Variants in UHMK1 observed in about 807,000 individuals in gnomAD.
UHMK1 encodes the protein serine/threonine-protein kinase Kist.
A neutral mutation model predicts 44.0 loss-of-function variants in UHMK1; 18 were observed. The ratio of observed to expected loss-of-function variants is 0.41; its 90% confidence interval spans 0.28 to 0.61. The LOEUF (loss-of-function observed/expected upper bound fraction) is 0.61. Among genes scored for constraint, UHMK1 ranks in the 20% least tolerant of loss-of-function variants. The pLI, the probability that UHMK1 is intolerant of heterozygous loss-of-function variation, is 0.31. For missense variants in UHMK1, 463 were observed against 522.5 expected, an observed-to-expected ratio of 0.89 and a Z score of 1.11; for synonymous variants, 231 against 198.5, an observed-to-expected ratio of 1.16 and a Z score of -1.38.
At chr1:162,506,559 C>T (rs1651475364) in intron 4 of UHMK1, among the ~76,000 whole-genome samples, 1 of 152,170 alleles carries the variant, frequency 6.6e-6, no homozygotes, top group Admixed American at 6.5e-5. Flanking sequence ...TCATCCCAAT[C>T]TCATACATTT....
chr1:162,500,311 T>G, intron 2 of UHMK1, 64 bp downstream of exon 2: 1 of 1,531,912 alleles, frequency 6.5e-7, no homozygotes, highest in South Asian at 1.3e-5. Context: ...CAAATATTTT[T>G]AAATGACAAG....
chr1:162,501,171 A>ATT (rs5778280), intron 3 of UHMK1, 67 bp downstream of exon 3: 16,798 of 1,203,324 alleles, frequency 0.014, 1 homozygote, highest in East Asian at 0.016. Flanking sequence ...ATTTATGATG[A>ATT]TTTTTTTTTT....
intron 4 of UHMK1, among the ~76,000 whole-genome samples, chr1:162,510,765 A>C (rs1171356466): frequency 1.3e-5 from 2 of 152,026 alleles, no homozygotes; most frequent in Non-Finnish European, 2.9e-5. Flanking sequence ...ATAGTGCTGC[A>C]ACAAACGTGG....
In UHMK1 at chr1:162,526,088, ATCAG is replaced by A. The variant is rs1289600900; in HGVS notation, c.*3540_*3543del. The A allele has an allele frequency of 6.6e-6, 1 of 152,184 alleles. No homozygotes were observed. Among genetic ancestry groups the A allele is most frequent in the African/African-American group, 2.4e-5 (1 of 41,460 alleles). 9.4% of individuals were successfully genotyped at this position (152,184 alleles called of 1,614,324 possible). On this transcript the variant is annotated 3_prime_UTR_variant, in exon 8 of 8. Coordinates refer to ENST00000489294, the MANE Select transcript of UHMK1 (RefSeq NM_175866.5). ...ACTGGACCTTCACTCTGGTAAGGGC[ATCAG>A]TTACTTTTCTGGAATAAAAGGCGGA...
chr1:162,500,301 CA>C, intron 2 of UHMK1, 54 bp downstream of exon 2: 1 of 1,547,326 alleles, frequency 6.5e-7, no homozygotes, highest in Non-Finnish European at 8.7e-7. Flanking sequence ...TGGTTGAAGC[CA>C]AATATTTTTA....
intron 4 of UHMK1, among the ~76,000 whole-genome samples, chr1:162,511,712 G>T (rs1433321144): frequency 6.6e-6 from 1 of 152,114 alleles, no homozygotes; most frequent in African/African-American, 2.4e-5. Context: ...TTTTCTTCTA[G>T]TAGTTTTGGG....
intron 4 of UHMK1, among the ~76,000 whole-genome samples, chr1:162,511,282 A>C (rs1300671559): frequency 7.0e-6 from 1 of 143,526 alleles, no homozygotes; most frequent in African/African-American, 2.6e-5. Context: ...CCTTGAATTC[A>C]TAGGGTCAAG....
rs1652212079 is a variant in UHMK1 at position 162,525,430 on chromosome 1, T to C, written c.*2880T>C. The C allele has an allele frequency of 6.6e-6, 1 of 152,192 alleles. No individual in the cohort carries two copies. Among genetic ancestry groups the C allele is most frequent in the African/African-American group, 2.4e-5 (1 of 41,438 alleles). 9.4% of individuals were successfully genotyped at this position (152,192 alleles called of 1,614,324 possible). A position where few individuals can be genotyped will look rare whatever the true frequency, so the allele number is the denominator to read the frequency against. On this transcript the variant is annotated 3_prime_UTR_variant, in exon 8 of 8. Transcript: ENST00000489294. Reference sequence around the variant, plus strand: ...CTTCCTTGCCTCTCACCTTCCCAGTTACTTCTTTGGGGTATTACTGTGGCA... The same window carrying C: ...CTTCCTTGCCTCTCACCTTCCCAGTCACTTCTTTGGGGTATTACTGTGGCA...
At chr1:162,518,360 C>T (rs967921672) in intron 7 of UHMK1, among the ~76,000 whole-genome samples, 170 bp downstream of exon 7, 7 of 151,404 alleles carry the variant, frequency 4.6e-5, no homozygotes, top group Admixed American at 4.0e-4. Flanking sequence ...TCTAAAAGTT[C>T]TATAATATGC....
intron 4 of UHMK1, among the ~76,000 whole-genome samples, chr1:162,506,215 A>T (rs954801545): frequency 6.2e-5 from 5 of 81,110 alleles, no homozygotes; most frequent in African/African-American, 2.3e-4. Context: ...TATTTTTTTT[A>T]AATAATAGCC....
At chr1:162,521,508 C>T (rs1652059086) in intron 7 of UHMK1, among the ~76,000 whole-genome samples, 2 of 152,174 alleles carry the variant, frequency 1.3e-5, no homozygotes, top group Admixed American at 6.6e-5. Flanking sequence ...GGCTGGAGCA[C>T]ATACAGTGTC....
At position 162,527,214 on chromosome 1, in the gene UHMK1, A is replaced by G. The variant is rs993250272; in HGVS notation, c.*4664A>G. 2.0e-5 allele frequency: 3 copies of G among 152,054 alleles called. No individual in the cohort carries two copies. The highest frequency in any genetic ancestry group is 7.2e-5 in the African/African-American group (3 of 41,440). 9.4% of individuals were successfully genotyped at this position (152,054 alleles called of 1,614,324 possible). A position where few individuals can be genotyped will look rare whatever the true frequency, so the allele number is the denominator to read the frequency against. On this transcript the variant is annotated 3_prime_UTR_variant, in exon 8 of 8. Transcript: ENST00000489294. ...TCTGCCTAATACTATAGGATATGTC[A>G]TGTTCGTTATTGTAGCCACCTCCCT...
rs920020221 is a variant in UHMK1, at chr1:162,529,466, C to T, written c.*6916C>T. On this transcript the variant is annotated 3_prime_UTR_variant, in exon 8 of 8. Transcript: ENST00000489294. ...CAATGCGTTTCAGTTGACTGTATTG[C>T]ATACTTTTTTGCTGAAGACTTTTTC... The T allele has an allele frequency of 6.6e-6, 1 of 152,078 alleles. No homozygotes were observed. Among genetic ancestry groups the T allele is most frequent in the Non-Finnish European group, 1.5e-5 (1 of 67,978 alleles). 9.4% of individuals were successfully genotyped at this position (152,078 alleles called of 1,614,324 possible).
chr1:162,499,863 C>T, intron 1 of UHMK1, 92 bp from the exon 2 acceptor site: 1 of 1,218,712 alleles, frequency 8.2e-7, no homozygotes, highest in Non-Finnish European at 1.2e-6. Context: ...TTATCCTTAT[C>T]TAGACTATCT....
Position 162,500,975 on chromosome 1 carries a change from G to A in UHMK1, c.624G>A (p.Leu208=), listed in dbSNP as rs571945327. 125 of 1,614,026 alleles carry A rather than the reference G, an allele frequency of 7.7e-5. 1 individual carries two copies. In the South Asian group the frequency reaches 1.3e-3, roughly 17 times the overall value. The change falls in exon 3 of 8, where the codon TTG becomes TTA. Residue 208 remains leucine, a synonymous_variant. Transcript: ENST00000489294. The part of the protein sequence containing the change: ...RAPEAELQNC[L]AQAGLQSDTE... ...CAGAAGCAGAATTGCAAAATTGCTT[G>A]GCCCAGGCTGGCCTGCAGAGTGATA...
chr1:162,518,022 T>A, intron 6 of UHMK1, 80 bp from the exon 7 acceptor site: 1 of 968,046 alleles, frequency 1.0e-6, no homozygotes, highest in Non-Finnish European at 1.6e-6. Context: ...TCCTGAATTC[T>A]TTGATGATTA....
In UHMK1 at chr1:162,522,705, G is replaced by A. The variant is rs1305278527; in HGVS notation, c.*155G>A. On this transcript the variant is annotated 3_prime_UTR_variant, in exon 8 of 8. Coordinates refer to ENST00000489294, the MANE Select transcript of UHMK1 (RefSeq NM_175866.5). Reference sequence around the variant, plus strand: ...CAGCCATTGCCCAAGCAGTGACTGCGTTGCATACATTTGGCACTGAGTAGG... The same window carrying A: ...CAGCCATTGCCCAAGCAGTGACTGCATTGCATACATTTGGCACTGAGTAGG... 38 of 850,662 alleles carry A rather than the reference G, an allele frequency of 4.5e-5. 1 individual carries two copies. Among genetic ancestry groups the A allele is most frequent in the Non-Finnish European group, 6.2e-5 (35 of 567,986 alleles). The allele number at this position is 850,662 out of a possible 1,614,324, so 52.7% of individuals were successfully genotyped here.
At chr1:162,504,058 G>A (rs1651378662) in intron 4 of UHMK1, among the ~76,000 whole-genome samples, 1 of 152,162 alleles carries the variant, frequency 6.6e-6, no homozygotes, top group Non-Finnish European at 1.5e-5. Context: ...TTCACTGGAA[G>A]ATAGATTCAC....
At chr1:162,501,256 A>G in intron 3 of UHMK1, 152 bp downstream of exon 3, 1 of 743,442 alleles carries the variant, frequency 1.3e-6, no homozygotes, top group Non-Finnish European at 2.1e-6. Flanking sequence ...TGCAACCTCC[A>G]CCTTCCGGTT....
Sources: gnomAD v4.1 joint callset for allele counts (sites outside exome capture counted in the v4.1 genomes callset) on GRCh38, gnomAD v4.1.1 for gene constraint, MANE v1.5 for transcripts, NCBI Gene and HGNC (gene_info 2026-07-23, HGNC 2026-07-21) for gene names.